The following UNC5D variants were observed in gnomAD, a reference collection of about 807,000 sequenced individuals.
UNC5D encodes unc-5 netrin receptor D, also known as netrin receptor UNC5D.
UNC5D carries 39 observed loss-of-function variants against 105.4 expected under a neutral mutation model. The ratio of observed to expected loss-of-function variants is 0.37; its 90% confidence interval spans 0.29 to 0.48. UNC5D has a LOEUF of 0.48. Ranked by LOEUF, UNC5D falls within the 20% of genes least tolerant of loss-of-function variation. UNC5D has a pLI of 0.98. For missense variants in UNC5D, 991 were observed against 1,202.4 expected (o/e 0.82, Z 2.60); for synonymous variants, 452 against 450.4 (o/e 1.00, Z -0.04).
rs191961600 is a variant in UNC5D, at chr8:35,752,475, C to T, written c.2163+1666C>T. Among the ~76,000 whole-genome samples the T allele has an allele frequency of 5.5e-3, 842 of 152,248 alleles. 6 individuals carry two copies. Among genetic ancestry groups the T allele is most frequent in the Admixed American group, 0.013 (198 of 15,292 alleles). On this transcript the variant is annotated intron_variant, in intron 13 of 16. Coordinates refer to ENST00000404895, the MANE Select transcript of UNC5D (RefSeq NM_080872.4). ...GAGCCAGCCTGTGTTCCTGAACCGC[C>T]CCTGAGTATCTCTTAAGTAGCACAG...
At chr8:35,564,968 A>G (rs966257715) in intron 2 of UNC5D, among the ~76,000 whole-genome samples, 8 of 152,164 alleles carry the variant, frequency 5.3e-5, no homozygotes, top group African/African-American at 1.7e-4. Flanking sequence ...ATGATATGAT[A>G]CATTTTCTTT....
At chr8:35,379,075 A>G (rs1367679412) in intron 1 of UNC5D, among the ~76,000 whole-genome samples, 1 of 152,182 alleles carries the variant, frequency 6.6e-6, no homozygotes, top group African/African-American at 2.4e-5. Context: ...AGAATAGATA[A>G]TTCTTTGGAT....
intron 13 of UNC5D, among the ~76,000 whole-genome samples, chr8:35,757,715 T>A (rs963584737): frequency 3.9e-5 from 6 of 152,128 alleles, no homozygotes; most frequent in Non-Finnish European, 8.8e-5. Flanking sequence ...ATTTAGTAAA[T>A]CTCAAAAGAA....
intron 1 of UNC5D, among the ~76,000 whole-genome samples, chr8:35,466,246 A>G (rs1041095592): frequency 2.6e-5 from 4 of 152,222 alleles, no homozygotes; most frequent in Admixed American, 2.0e-4. Flanking sequence ...GTCAAGGTCC[A>G]GTACTAATAT....
chr8:35,689,285 A>G (rs1463485413), intron 7 of UNC5D, among the ~76,000 whole-genome samples: 2 of 152,172 alleles, frequency 1.3e-5, no homozygotes, highest in African/African-American at 4.8e-5. Context: ...ATTTTTTTGC[A>G]TTTGCATTGT....
intron 7 of UNC5D, among the ~76,000 whole-genome samples, chr8:35,704,104 AT>A (rs1827381567): frequency 6.6e-6 from 1 of 152,164 alleles, no homozygotes; most frequent in Non-Finnish European, 1.5e-5. Context: ...ACATCAACAA[AT>A]TATTATCTTT....
chr8:35,790,759 A>G lies in UNC5D; in HGVS notation c.*196A>G. 2 of 612,976 alleles carry G rather than the reference A, an allele frequency of 3.3e-6. No individual in the cohort carries two copies. The highest frequency in any genetic ancestry group is 4.0e-5 in the South Asian group (2 of 49,450). 38.0% of individuals were successfully genotyped at this position (612,976 alleles called of 1,614,324 possible). On this transcript the variant is annotated 3_prime_UTR_variant, in exon 17 of 17. Coordinates refer to ENST00000404895, the MANE Select transcript of UNC5D (RefSeq NM_080872.4). Reference sequence around the variant, plus strand: ...GGGAAGAGTACAAGCTCTCTTACATATAAGAGGGCTCTACTATCTCCTTGG... The same window carrying G: ...GGGAAGAGTACAAGCTCTCTTACATGTAAGAGGGCTCTACTATCTCCTTGG...
intron 2 of UNC5D, among the ~76,000 whole-genome samples, chr8:35,554,029 GAGAAATTTGATAATTCTTTTTACTTAT>G (rs1382201748): frequency 1.3e-5 from 2 of 152,146 alleles, no homozygotes; most frequent in South Asian, 2.1e-4. Context: ...TGAAATTCTA[GAGAAATTTGATAATTCTTTTTACTTAT>G]AGGCATTCTG....
rs577815152 is a variant in UNC5D, at chr8:35,396,978, C to T, written c.104-152314C>T. ...CACCCAGGCTATGGCACGATCTTGG[C>T]TCATTGCAACCTCTGCCTTCCAGGT... On this transcript the variant is annotated intron_variant, in intron 1 of 16. Coordinates refer to ENST00000404895, the MANE Select transcript of UNC5D (RefSeq NM_080872.4). Among the ~76,000 whole-genome samples, 12 of 152,160 alleles carry T rather than the reference C, an allele frequency of 7.9e-5. No homozygotes were observed. The East Asian group carries it at 1.9e-3, about 25-fold the overall frequency.
At chr8:35,507,049 CT>C (rs71215631) in intron 1 of UNC5D, among the ~76,000 whole-genome samples, 2,045 of 76,230 alleles carry the variant, frequency 0.027, 21 homozygotes, top group African/African-American at 0.093. Context: ...CAGGGCTTTT[CT>C]TTTTTTTTTT....
chr8:35,538,248 C>T (rs1814978541), intron 1 of UNC5D, among the ~76,000 whole-genome samples: 1 of 150,710 alleles, frequency 6.6e-6, no homozygotes, highest in African/African-American at 2.4e-5. Flanking sequence ...GTGTGATCTC[C>T]AGGTGAAGAG....
intron 1 of UNC5D, among the ~76,000 whole-genome samples, chr8:35,359,648 C>T (rs751487637): frequency 2.6e-5 from 4 of 152,102 alleles, no homozygotes; most frequent in African/African-American, 4.8e-5. Context: ...ACCTGTATTA[C>T]GTCTTATATA....
intron 1 of UNC5D, among the ~76,000 whole-genome samples, chr8:35,542,305 C>T (rs1815333529): frequency 1.3e-5 from 2 of 152,190 alleles, no homozygotes; most frequent in South Asian, 4.1e-4. Flanking sequence ...AGACAAGTCA[C>T]ATTTACATAA....
At chr8:35,345,869 A>T (rs894727186) in intron 1 of UNC5D, among the ~76,000 whole-genome samples, 1 of 152,054 alleles carries the variant, frequency 6.6e-6, no homozygotes, top group African/African-American at 2.4e-5. Context: ...AAGCAGAGTC[A>T]TCTCTTTGTA....
intron 7 of UNC5D, among the ~76,000 whole-genome samples, chr8:35,704,356 A>T (rs190539247): frequency 8.1e-4 from 124 of 152,332 alleles, no homozygotes; most frequent in Non-Finnish European, 8.8e-5. Flanking sequence ...GGAGTGAGTT[A>T]GGGTGAGAAA....
chr8:35,639,036 A>C lies in UNC5D; in HGVS notation c.570+43379A>C, dbSNP rs79116085. On this transcript the variant is annotated intron_variant, in intron 4 of 16. Transcript: ENST00000404895. ...GATGCTACAGATACCATAGTTAAGTATATCTTTCCCACACTGAATTGTGTA... is the reference window on the plus strand; with the variant it reads ...GATGCTACAGATACCATAGTTAAGTCTATCTTTCCCACACTGAATTGTGTA... Among the ~76,000 whole-genome samples, 276 of 152,344 alleles carry C rather than the reference A, an allele frequency of 1.8e-3. 1 individual carries two copies. Among genetic ancestry groups the C allele is most frequent in the African/African-American group, 5.8e-3 (243 of 41,586 alleles).
chr8:35,457,673 C>G (rs1001775499), intron 1 of UNC5D, among the ~76,000 whole-genome samples: 7 of 152,158 alleles, frequency 4.6e-5, no homozygotes, highest in African/African-American at 1.7e-4. Flanking sequence ...CCTAATGCCC[C>G]AAATCTATAA....
At chr8:35,408,651 A>G (rs575125455) in intron 1 of UNC5D, among the ~76,000 whole-genome samples, 101 of 151,908 alleles carry the variant, frequency 6.6e-4, no homozygotes, top group Middle Eastern at 3.2e-3. Context: ...TCCTATATTA[A>G]AGAGTGTGGT....
chr8:35,510,100 C>T (rs1812595754), intron 1 of UNC5D, among the ~76,000 whole-genome samples: 1 of 151,946 alleles, frequency 6.6e-6, no homozygotes, highest in Admixed American at 6.6e-5. Context: ...TTAATGGAAA[C>T]TTCATTACTA....
Sources: allele counts gnomAD v4.1 joint callset (sites outside exome capture counted in the v4.1 genomes callset), GRCh38; gene constraint gnomAD v4.1.1; transcripts MANE v1.5; gene names NCBI Gene and HGNC (gene_info 2026-07-23, HGNC 2026-07-21).